Variants in EXTL3 observed in about 807,000 individuals in gnomAD.
The protein encoded by EXTL3 is exostosin-like 3.
A neutral mutation model predicts 69.3 loss-of-function variants in EXTL3; 27 were observed. That is an observed-to-expected ratio of 0.39 (90% CI 0.29 to 0.54). The LOEUF is 0.54. EXTL3 is among the 20% of genes least tolerant of loss of function. The probability of loss-of-function intolerance (pLI) is 0.69; values close to 1 mark genes in which losing one functional copy is unlikely to be tolerated. For missense variants in EXTL3, 1,003 were observed against 1,231.8 expected (o/e 0.81, Z 2.78); for synonymous variants, 511 against 499.4 (o/e 1.02, Z -0.31).
chr8:28,692,393 G>A (rs1226340177), intron 1 of EXTL3, among the ~76,000 whole-genome samples: 1 of 152,172 alleles, frequency 6.6e-6, no homozygotes, highest in East Asian at 1.9e-4. Context: ...GAATCATGCT[G>A]TCACCTTTTG....
intron 1 of EXTL3, among the ~76,000 whole-genome samples, chr8:28,635,426 G>A (rs2130571121): frequency 6.7e-6 from 1 of 149,346 alleles, no homozygotes; most frequent in Middle Eastern, 3.4e-3. Flanking sequence ...AATTGGCCGA[G>A]CGCAGTGGCT....
Position 28,657,885 on chromosome 8 carries a change from C to T in EXTL3, c.-53+35075C>T, listed in dbSNP as rs191697918. The stretch of plus-strand genomic sequence containing the variant: ...CTCTTTGACCTCCTGGGCTTCACTC[C>T]TCCCTTAATAGAGGTTTACTTAATC... On this transcript the variant is annotated intron_variant, in intron 1 of 6. Coordinates refer to the EXTL3 transcript ENST00000523149. Among the ~76,000 whole-genome samples, 296 of 152,328 alleles carry T rather than the reference C, an allele frequency of 1.9e-3. 1 individual carries two copies. The highest frequency in any genetic ancestry group is 2.7e-3 in the Admixed American group (42 of 15,308).
chr8:28,648,909 G>A (rs915894549), intron 1 of EXTL3, among the ~76,000 whole-genome samples: 1 of 151,776 alleles, frequency 6.6e-6, no homozygotes, highest in Non-Finnish European at 1.5e-5. Context: ...TTGTTTGTTT[G>A]TTGAGACAGA....
At chr8:28,611,084 G>T (rs1036839873) in intron 2 of EXTL3, among the ~76,000 whole-genome samples, 23 of 152,160 alleles carry the variant, frequency 1.5e-4, no homozygotes, top group African/African-American at 5.3e-4. Context: ...TCTCCTTGCT[G>T]CATGTGCTTG....
At chr8:28,615,169 TG>T (rs1167878500) in intron 2 of EXTL3, among the ~76,000 whole-genome samples, 2 of 152,356 alleles carry the variant, frequency 1.3e-5, no homozygotes, top group African/African-American at 4.8e-5. Flanking sequence ...ATTCAGAATG[TG>T]GTCTACCTTT....
chr8:28,672,190 T>C (rs766728489), intron 1 of EXTL3, among the ~76,000 whole-genome samples: 4 of 151,820 alleles, frequency 2.6e-5, no homozygotes, highest in Non-Finnish European at 5.9e-5. Context: ...CCAAGGTGGG[T>C]GGATCACGTG....
chr8:28,642,027 G>A (rs908960362), intron 1 of EXTL3, among the ~76,000 whole-genome samples: 1 of 151,604 alleles, frequency 6.6e-6, no homozygotes, highest in Admixed American at 6.6e-5. Flanking sequence ...AGTAGAGATG[G>A]GATTTCACTG....
intron 1 of EXTL3, among the ~76,000 whole-genome samples, chr8:28,708,000 C>T (rs970460801): frequency 2.0e-5 from 3 of 152,130 alleles, no homozygotes; most frequent in East Asian, 1.9e-4. Flanking sequence ...TATTCAGCAG[C>T]GGAAGGAATG....
At chr8:28,693,825 C>G (rs550833391) in intron 1 of EXTL3, among the ~76,000 whole-genome samples, 2 of 152,214 alleles carry the variant, frequency 1.3e-5, no homozygotes, top group East Asian at 3.8e-4. Context: ...AACCTTGGAA[C>G]CTCAATCTAG....
upstream of EXTL3, among the ~76,000 whole-genome samples, chr8:28,620,895 T>G (rs532039945): frequency 2.6e-5 from 4 of 152,248 alleles, no homozygotes; most frequent in Non-Finnish European, 5.9e-5. Context: ...TGCTTATTTT[T>G]GTAGAGACTG....
intron 1 of EXTL3, among the ~76,000 whole-genome samples, chr8:28,680,857 C>T (rs1374826918): frequency 6.6e-6 from 1 of 152,086 alleles, no homozygotes; most frequent in African/African-American, 2.4e-5. Flanking sequence ...TCTCTAGGTT[C>T]ATCCTTGTTG....
At position 28,717,323 on chromosome 8, in the gene EXTL3, T is replaced by C; in HGVS notation, c.1264T>C (p.Leu422=). ...WALCGEREDR[L]ELLKLSTFAL... ...ACTGTGTGGAGAGCGGGAGGACCGC[T>C]TGGAATTGCTGAAGCTCTCCACCTT... Residue 422 remains leucine, a synonymous_variant, in exon 3 of 7, where the codon TTG becomes CTG. Coordinates refer to ENST00000220562, the MANE Select transcript of EXTL3 (RefSeq NM_001440.4). The surrounding 1 kb of genome is among the most constrained non-coding windows in gnomAD (Gnocchi z 8.3). 6.2e-7 allele frequency: 1 copy of C among 1,614,122 alleles called. No homozygotes were observed. The highest frequency in any genetic ancestry group is 1.1e-5 in the South Asian group (1 of 91,084).
chr8:28,725,951 A>T (rs1156801589), intron 3 of EXTL3, among the ~76,000 whole-genome samples: 1 of 149,196 alleles, frequency 6.7e-6, no homozygotes, highest in South Asian at 2.1e-4. Flanking sequence ...TGCATTTAGA[A>T]GTGTTTTTTT....
upstream of EXTL3, chr8:28,698,096 G>A (rs1585256820): frequency 6.6e-6 from 1 of 152,290 alleles, no homozygotes; most frequent in Non-Finnish European, 1.5e-5. Flanking sequence ...GGGGATTTGG[G>A]AACGAGAATG....
upstream of EXTL3, among the ~76,000 whole-genome samples, chr8:28,621,661 G>C (rs1806410648): frequency 6.6e-6 from 1 of 152,206 alleles, no homozygotes; most frequent in African/African-American, 2.4e-5. Context: ...CTTACAGTGA[G>C]GGAAAACTGA....
In EXTL3 at chr8:28,646,684, C is replaced by T. The variant is rs114529644; in HGVS notation, c.-53+23874C>T. 5.4e-3 allele frequency among the ~76,000 whole-genome samples: 826 copies of T among 152,310 alleles called. 8 individuals carry two copies. The highest frequency in any genetic ancestry group is 0.019 in the African/African-American group (786 of 41,562). ...CTGAATCATTAGTTGTTCATTAATT[C>T]AACAGATATCTGAATATTGACAGCC... On this transcript the variant is annotated intron_variant, in intron 1 of 6. Coordinates refer to the EXTL3 transcript ENST00000523149.
At chr8:28,621,350 A>G (rs554351773), upstream of EXTL3, among the ~76,000 whole-genome samples, 3 of 152,324 alleles carry the variant, frequency 2.0e-5, no homozygotes, top group African/African-American at 4.8e-5. Context: ...GAAGCTGGCC[A>G]TCTACAACCC....
intron 1 of EXTL3, among the ~76,000 whole-genome samples, chr8:28,659,790 T>G (rs1209581929): frequency 6.6e-6 from 1 of 152,222 alleles, no homozygotes; most frequent in Non-Finnish European, 1.5e-5. Flanking sequence ...ATGACATCAT[T>G]GCAGTTTCGT....
chr8:28,747,232 C>A (rs549070983), intron 6 of EXTL3, among the ~76,000 whole-genome samples: 15 of 152,294 alleles, frequency 9.8e-5, no homozygotes, highest in African/African-American at 3.6e-4. Flanking sequence ...CATCCTGCTC[C>A]AGTGGGAACC....
Sources: allele counts gnomAD v4.1 joint callset (sites outside exome capture counted in the v4.1 genomes callset), GRCh38; gene constraint gnomAD v4.1.1; non-coding constraint Gnocchi (gnomAD v3.1); transcripts MANE v1.5; gene names NCBI Gene and HGNC (gene_info 2026-07-23, HGNC 2026-07-21).